Variants in DENND1B observed in about 807,000 individuals in gnomAD.
DENND1B encodes the protein DENN domain containing 1B.
Under a neutral mutation model 90.1 loss-of-function variants are expected in DENND1B, and 59 were observed. The ratio of observed to expected loss-of-function variants is 0.65; its 90% CI spans 0.53 to 0.81. The LOEUF is 0.81. Ranked by LOEUF, DENND1B falls within the 40% of genes least tolerant of loss-of-function variation. The probability of loss-of-function intolerance (pLI) is 0.00; values close to 1 mark genes in which losing one functional copy is unlikely to be tolerated. For missense variants in DENND1B, 862 were observed against 912.6 expected (o/e 0.94, Z 0.71); for synonymous variants, 337 against 324.6 (o/e 1.04, Z -0.41).
At chr1:197,602,447 G>A (rs1833464) in intron 13 of DENND1B, among the ~76,000 whole-genome samples, 120,996 of 151,272 alleles carry the variant, frequency 0.8, 48,525 homozygotes, top group East Asian at 0.87. Context: ...TGTTCTCCAA[G>A]TTACTCTAGA....
intron 15 of DENND1B, among the ~76,000 whole-genome samples, chr1:197,558,399 T>A (rs1671884231): frequency 6.6e-6 from 1 of 151,754 alleles, no homozygotes; most frequent in Admixed American, 6.6e-5. Flanking sequence ...CTCTAAATCA[T>A]CAACAATTGC....
chr1:197,738,130 A>G (rs1484401226), intron 2 of DENND1B, among the ~76,000 whole-genome samples: 1 of 152,174 alleles, frequency 6.6e-6, no homozygotes, highest in African/African-American at 2.4e-5. Context: ...TCTGTCACTG[A>G]TCCAGTATGA....
chr1:197,735,635 C>T, intron 2 of DENND1B: 1 of 1,614,166 alleles, frequency 6.2e-7, no homozygotes. Flanking sequence ...GAGCTGCCGC[C>T]ATGAAGGTCG....
In DENND1B at chr1:197,507,164, T is replaced by C. The variant is rs1571668301; in HGVS notation, c.*3296A>G. 1 of 3,458 alleles carries C rather than the reference T, an allele frequency of 2.9e-4. No homozygotes were observed. The highest frequency in any genetic ancestry group is 6.0e-3 in the Admixed American group (1 of 166). The allele number at this position is 3,458 out of a possible 1,614,324, so 0.2% of individuals were successfully genotyped here. On this transcript the variant is annotated 3_prime_UTR_variant, in exon 23 of 23. Transcript: ENST00000620048. Reference sequence around the variant, plus strand: ...AGGCAAAACACATTATTATTATTATTATTATTATTATTATTATTATTATTA... The same window carrying C: ...AGGCAAAACACATTATTATTATTATCATTATTATTATTATTATTATTATTA...
At chr1:197,523,994 A>G (rs1369170296) in intron 20 of DENND1B, among the ~76,000 whole-genome samples, 1 of 152,158 alleles carries the variant, frequency 6.6e-6, no homozygotes, top group Admixed American at 6.5e-5. Context: ...AAATGATGTA[A>G]GACATGAAGA....
intron 10 of DENND1B, among the ~76,000 whole-genome samples, chr1:197,623,510 TATAAG>T (rs2125875934): frequency 6.6e-6 from 1 of 151,646 alleles, no homozygotes; most frequent in South Asian, 2.1e-4. Context: ...AAGTGAGACT[TATAAG>T]AAAATGTTTG....
chr1:197,642,703 G>A lies in DENND1B; in HGVS notation c.672+8C>T, dbSNP rs776181003. ...ACCTGCTACTTAAAAGAAGTGTGAA[G>A]TACTTACAGTGCTTAATTTGCTCGA... On this transcript the variant is annotated splice_region_variant and intron_variant, in intron 10 of 22. Transcript: ENST00000620048. 2 of 1,602,036 alleles carry A rather than the reference G, an allele frequency of 1.2e-6. No individual in the cohort carries two copies. Among genetic ancestry groups the A allele is most frequent in the Non-Finnish European group, 8.5e-7 (1 of 1,171,866 alleles).
upstream of DENND1B, among the ~76,000 whole-genome samples, chr1:197,778,064 C>A (rs1657343632): frequency 6.6e-6 from 1 of 152,080 alleles, no homozygotes; most frequent in South Asian, 2.1e-4. Context: ...CAGGTTCTAC[C>A]TTACACAGTT....
intron 2 of DENND1B, chr1:197,747,312 A>G (rs552111583): frequency 5.1e-6 from 3 of 591,940 alleles, no homozygotes; most frequent in East Asian, 3.5e-5. Context: ...TCGAGAATCT[A>G]TGATTTCTGT....
intron 3 of DENND1B, among the ~76,000 whole-genome samples, chr1:197,676,251 T>A (rs1302448976): frequency 1.3e-5 from 2 of 152,066 alleles, no homozygotes; most frequent in African/African-American, 2.4e-5. Context: ...CTATTGAAAC[T>A]GAAGTGTAAA....
At chr1:197,551,999 G>T (rs1671278047) in intron 16 of DENND1B, among the ~76,000 whole-genome samples, 1 of 152,026 alleles carries the variant, frequency 6.6e-6, no homozygotes, top group African/African-American at 2.4e-5. Flanking sequence ...GAGTTCATTT[G>T]TACCTCCTTT....
At chr1:197,740,532 T>A (rs529791999) in intron 2 of DENND1B, among the ~76,000 whole-genome samples, 1 of 152,316 alleles carries the variant, frequency 6.6e-6, no homozygotes, top group East Asian at 1.9e-4. Context: ...GTATCGAATA[T>A]GCTACACAAT....
At chr1:197,763,603 A>T (rs2102471084) in intron 2 of DENND1B, among the ~76,000 whole-genome samples, 1 of 152,348 alleles carries the variant, frequency 6.6e-6, no homozygotes, top group East Asian at 1.9e-4. Context: ...AACTATTTAT[A>T]CCAAAAGCAA....
At chr1:197,707,752 G>A (rs957471488) in intron 3 of DENND1B, among the ~76,000 whole-genome samples, 2 of 148,458 alleles carry the variant, frequency 1.3e-5, no homozygotes, top group East Asian at 2.0e-4. Context: ...GAACAGCTCC[G>A]GTCTACAGCT....
chr1:197,552,955 C>T, intron 16 of DENND1B, 67 bp downstream of exon 16: 1 of 1,542,396 alleles, frequency 6.5e-7, no homozygotes, highest in South Asian at 1.3e-5. Context: ...TTTTATCAGA[C>T]ACAAGTGCAA....
At chr1:197,576,118 C>A (rs1179951908) in intron 15 of DENND1B, among the ~76,000 whole-genome samples, 1 of 151,612 alleles carries the variant, frequency 6.6e-6, no homozygotes, top group Non-Finnish European at 1.5e-5. Flanking sequence ...AAAAAAAAAT[C>A]TAAAGAATAG....
chr1:197,567,063 G>A (rs908808258), intron 15 of DENND1B, among the ~76,000 whole-genome samples: 3 of 151,826 alleles, frequency 2.0e-5, no homozygotes, highest in African/African-American at 7.3e-5. Flanking sequence ...CAATAGAAAC[G>A]ATCAATGAAA....
At chr1:197,556,345 G>C (rs1671716758) in intron 15 of DENND1B, among the ~76,000 whole-genome samples, 1 of 151,928 alleles carries the variant, frequency 6.6e-6, no homozygotes, top group Non-Finnish European at 1.5e-5. Flanking sequence ...ATGTACCTCT[G>C]AGTCTAAAAT....
At chr1:197,578,326 C>T (rs575909367) in intron 15 of DENND1B, among the ~76,000 whole-genome samples, 1 of 152,052 alleles carries the variant, frequency 6.6e-6, no homozygotes, top group Admixed American at 6.6e-5. Flanking sequence ...CTCACTGCAA[C>T]CTCTGTCTCC....
Sources: allele counts gnomAD v4.1 joint callset (sites outside exome capture counted in the v4.1 genomes callset), GRCh38; gene constraint gnomAD v4.1.1; transcripts MANE v1.5; gene names NCBI Gene and HGNC (gene_info 2026-07-23, HGNC 2026-07-21).